Variants in ROBO2 observed in about 807,000 individuals in gnomAD.
ROBO2 encodes the protein roundabout guidance receptor 2.
ROBO2 carries 53 observed loss-of-function variants against 160.8 expected under a neutral mutation model. The ratio of observed to expected loss-of-function variants is 0.33; its 90% CI spans 0.26 to 0.41. ROBO2 has a LOEUF of 0.41. Ranked by LOEUF, ROBO2 falls within the 10% of genes least tolerant of loss-of-function variation. The pLI, the probability that ROBO2 is intolerant of heterozygous loss-of-function variation, is 1.00. For synonymous variants in ROBO2, 664 were observed against 611.7 expected, an observed-to-expected ratio of 1.09 and a Z score of -1.26; for missense variants, 1,577 against 1,722.4, an observed-to-expected ratio of 0.92 and a Z score of 1.49.
intron 2 of ROBO2, among the ~76,000 whole-genome samples, chr3:77,384,328 G>A (rs1483059174): frequency 6.6e-6 from 1 of 152,052 alleles, no homozygotes; most frequent in Non-Finnish European, 1.5e-5. Context: ...TTACACTAAA[G>A]TTATTAACCT....
intron 2 of ROBO2, among the ~76,000 whole-genome samples, chr3:77,309,701 ACAT>A (rs1184351746): frequency 1.3e-5 from 2 of 152,206 alleles, no homozygotes; most frequent in African/African-American, 4.8e-5. Flanking sequence ...CAAAGGCAAA[ACAT>A]CATCCTTCTC....
At chr3:77,196,947 AG>A (rs1322701265) in intron 2 of ROBO2, among the ~76,000 whole-genome samples, 3 of 151,972 alleles carry the variant, frequency 2.0e-5, no homozygotes, top group African/African-American at 7.2e-5. Flanking sequence ...ATTAAAAAAA[AG>A]GAGACCTAAT....
chr3:77,474,759 C>T (rs1226314784), intron 2 of ROBO2, among the ~76,000 whole-genome samples: 1 of 151,688 alleles, frequency 6.6e-6, no homozygotes, highest in Non-Finnish European at 1.5e-5. Context: ...TCTCTTAATC[C>T]GACACATGGG....
intron 2 of ROBO2, among the ~76,000 whole-genome samples, chr3:76,162,896 A>G (rs1393292676): frequency 2.0e-5 from 3 of 152,020 alleles, no homozygotes; most frequent in African/African-American, 4.8e-5. Flanking sequence ...AGTCCAGATT[A>G]TTTTAATTTT....
At chr3:77,386,782 TG>T (rs1260962390) in intron 2 of ROBO2, among the ~76,000 whole-genome samples, 7 of 151,822 alleles carry the variant, frequency 4.6e-5, no homozygotes, top group Admixed American at 3.3e-4. Context: ...TTTGTATTTT[TG>T]GTAGAGACAA....
At chr3:77,618,229 T>C (rs2094824349) in intron 22 of ROBO2, 1 of 195,178 alleles carries the variant, frequency 5.1e-6, no homozygotes, top group Non-Finnish European at 1.1e-5. Context: ...AAATGTGAGC[T>C]TCTGCAAATC....
chr3:76,928,498 A>G (rs572738085), intron 2 of ROBO2, among the ~76,000 whole-genome samples: 6 of 152,036 alleles, frequency 3.9e-5, no homozygotes, highest in Middle Eastern at 3.4e-3. Context: ...CACTCAAATA[A>G]CAGCCTTCCA....
At chr3:76,446,285 T>C (rs1304618842) in intron 2 of ROBO2, among the ~76,000 whole-genome samples, 4 of 152,130 alleles carry the variant, frequency 2.6e-5, no homozygotes, top group African/African-American at 9.7e-5. Flanking sequence ...GAACTCTCAT[T>C]CACAATTGCT....
chr3:77,335,236 G>C (rs1248140647), intron 2 of ROBO2, among the ~76,000 whole-genome samples: 2 of 152,082 alleles, frequency 1.3e-5, no homozygotes, highest in Non-Finnish European at 2.9e-5. Context: ...GTGAAACCTT[G>C]TCTCTACTAA....
chr3:77,617,724 C>T, exon 22 of ROBO2: 1 of 1,613,934 alleles, frequency 6.2e-7, no homozygotes, highest in South Asian at 1.1e-5. Context: ...GCAGGCTCAC[C>T]TGGATGAGTT....
At chr3:76,001,041 C>A (rs981157397) in intron 2 of ROBO2, among the ~76,000 whole-genome samples, 4 of 152,014 alleles carry the variant, frequency 2.6e-5, no homozygotes, top group Non-Finnish European at 5.9e-5. Context: ...GACTTGACTG[C>A]ATATTTTTGC....
intron 2 of ROBO2, among the ~76,000 whole-genome samples, chr3:76,255,968 T>C (rs1336252481): frequency 5.3e-5 from 8 of 152,054 alleles, no homozygotes; most frequent in Non-Finnish European, 1.5e-5. Context: ...CTTATAGATA[T>C]TTGTATCATA....
intron 2 of ROBO2, among the ~76,000 whole-genome samples, chr3:76,897,101 A>G (rs957379461): frequency 1.3e-5 from 2 of 152,194 alleles, no homozygotes; most frequent in Non-Finnish European, 2.9e-5. Context: ...GGTCCAATAT[A>G]TGAGCACTGA....
intron 2 of ROBO2, among the ~76,000 whole-genome samples, chr3:77,460,459 A>T (rs916361031): frequency 2.0e-5 from 3 of 152,126 alleles, no homozygotes. Flanking sequence ...GATCATCAGC[A>T]TGGAGGCAGA....
chr3:76,521,733 C>T (rs2081628547), intron 2 of ROBO2, among the ~76,000 whole-genome samples: 1 of 152,038 alleles, frequency 6.6e-6, no homozygotes, highest in African/African-American at 2.4e-5. Flanking sequence ...TTCTTTTGTT[C>T]CTTGCCTTGT....
At chr3:76,146,697 G>GGTGT (rs139527329) in intron 2 of ROBO2, among the ~76,000 whole-genome samples, 7,488 of 136,372 alleles carry the variant, frequency 0.055, 467 homozygotes, top group African/African-American at 0.16. Flanking sequence ...GATTACATAG[G>GGTGT]GTGTGTGTGT....
intron 2 of ROBO2, among the ~76,000 whole-genome samples, chr3:76,789,669 CT>C: frequency 6.6e-6 from 1 of 151,642 alleles, no homozygotes; most frequent in East Asian, 1.9e-4. Context: ...GAGAGCCTTA[CT>C]CAAATCAATG....
intron 2 of ROBO2, among the ~76,000 whole-genome samples, chr3:76,170,875 G>A (rs2073014432): frequency 1.3e-5 from 2 of 152,120 alleles, no homozygotes; most frequent in Non-Finnish European, 2.9e-5. Context: ...CGAACAATTA[G>A]TATGTGGCTA....
intron 2 of ROBO2, among the ~76,000 whole-genome samples, chr3:76,383,840 G>A (rs2076753174): frequency 6.6e-6 from 1 of 152,202 alleles, no homozygotes; most frequent in Non-Finnish European, 1.5e-5. Context: ...ACTTTACTTT[G>A]TGAACTCTAT....
Sources: allele counts gnomAD v4.1 joint callset (sites outside exome capture counted in the v4.1 genomes callset), GRCh38; gene constraint gnomAD v4.1.1; transcripts MANE v1.5; gene names NCBI Gene and HGNC (gene_info 2026-07-23, HGNC 2026-07-21).